The following VAV3 variants were observed in gnomAD, a reference collection of about 807,000 sequenced individuals.
VAV3 encodes the protein guanine nucleotide exchange factor VAV3.
Under a neutral mutation model 131.2 loss-of-function variants are expected in VAV3, and 94 were observed. That is an observed-to-expected ratio of 0.72 (90% CI 0.61 to 0.85). The LOEUF is 0.85. VAV3 is among the 40% of genes least tolerant of loss of function. The pLI is 0.00. For missense variants in VAV3, 939 were observed against 1,002.7 expected (o/e 0.94, Z 0.86); for synonymous variants, 349 against 342.0 (o/e 1.02, Z -0.22).
chr1:107,899,770 C>A (rs1323606204), intron 1 of VAV3, among the ~76,000 whole-genome samples: 1 of 152,062 alleles, frequency 6.6e-6, no homozygotes, highest in Non-Finnish European at 1.5e-5. Flanking sequence ...AAGTAACATG[C>A]CTAAAGCCAA....
chr1:107,761,717 G>A (rs1013503335), intron 9 of VAV3, among the ~76,000 whole-genome samples: 52 of 152,122 alleles, frequency 3.4e-4, no homozygotes, highest in Non-Finnish European at 1.0e-4. Flanking sequence ...CTCTCTCTCT[G>A]TCTTGTGGGT....
At chr1:107,673,130 T>C (rs563573584) in intron 19 of VAV3, among the ~76,000 whole-genome samples, 1 of 152,320 alleles carries the variant, frequency 6.6e-6, no homozygotes, top group Non-Finnish European at 1.5e-5. Flanking sequence ...GAAAGACTAA[T>C]GTTCAACAAT....
At chr1:107,856,764 T>C (rs1669488678) in intron 2 of VAV3, among the ~76,000 whole-genome samples, 1 of 152,138 alleles carries the variant, frequency 6.6e-6, no homozygotes. Context: ...AGGCCAGGCA[T>C]GGTGGCTCAC....
intron 1 of VAV3, among the ~76,000 whole-genome samples, chr1:107,937,861 A>G (rs1673799002): frequency 6.6e-6 from 1 of 152,244 alleles, no homozygotes; most frequent in South Asian, 2.1e-4. Flanking sequence ...AGAATGTAGT[A>G]CACTAACATG....
chr1:107,745,139 T>C (rs1413846678), intron 15 of VAV3, among the ~76,000 whole-genome samples: 1 of 152,152 alleles, frequency 6.6e-6, no homozygotes, highest in African/African-American at 2.4e-5. Flanking sequence ...ATAAAACCAT[T>C]TGCCGTCCTG....
intron 2 of VAV3, among the ~76,000 whole-genome samples, chr1:107,870,923 A>G (rs546955849): frequency 6.6e-6 from 1 of 152,312 alleles, no homozygotes; most frequent in South Asian, 2.1e-4. Context: ...TTAGTCACTC[A>G]TCTGGACAGT....
chr1:107,749,480 G>A lies in VAV3; in HGVS notation c.1374C>T (p.Thr458=), dbSNP rs143070546. The A allele has an allele frequency of 1.1e-5, 18 of 1,591,988 alleles. No homozygotes were observed. In the Admixed American group the frequency reaches 1.7e-4, roughly 15 times the overall value. Residue 458 remains threonine (T), a synonymous_variant, in exon 14 of 27, where the codon ACC becomes ACT. Coordinates refer to ENST00000370056, the MANE Select transcript of VAV3 (RefSeq NM_006113.5). ...QQYKIANNPT[T]DKENKKWSYG... The stretch of plus-strand genomic sequence containing the variant: ...AAGTCACCTTTTTGTTTTCTTTATC[G>A]GTTGTAGGATTATTGGCTATCTTGT...
intron 12 of VAV3, among the ~76,000 whole-genome samples, chr1:107,752,412 T>C (rs1663793869): frequency 6.6e-6 from 1 of 152,200 alleles, no homozygotes; most frequent in East Asian, 1.9e-4. Context: ...GGGAAAAACT[T>C]TATGACAATA....
At chr1:107,917,984 T>C (rs1034571379) in intron 1 of VAV3, among the ~76,000 whole-genome samples, 2 of 152,154 alleles carry the variant, frequency 1.3e-5, no homozygotes, top group African/African-American at 2.4e-5. Flanking sequence ...AGGGTAGTAA[T>C]AGAATAGAAT....
chr1:107,758,566 C>A (rs1416473953), intron 10 of VAV3, among the ~76,000 whole-genome samples: 1 of 152,012 alleles, frequency 6.6e-6, no homozygotes, highest in Non-Finnish European at 1.5e-5. Context: ...TCTCTTAAAA[C>A]AAAAAACAAC....
chr1:107,625,902 A>G (rs1392566812), intron 20 of VAV3, among the ~76,000 whole-genome samples: 2 of 152,204 alleles, frequency 1.3e-5, no homozygotes, highest in African/African-American at 2.4e-5. Context: ...GATTGACACA[A>G]ACTTTTAGTC....
intron 2 of VAV3, among the ~76,000 whole-genome samples, chr1:107,802,940 G>A (rs1187018032): frequency 6.6e-6 from 1 of 151,222 alleles, no homozygotes; most frequent in Non-Finnish European, 1.5e-5. Context: ...TAAATGTTTG[G>A]TAGAATTTAG....
chr1:107,777,971 T>C (rs558174940), intron 3 of VAV3, among the ~76,000 whole-genome samples: 1 of 152,208 alleles, frequency 6.6e-6, no homozygotes. Context: ...CTATTCCCAC[T>C]GTGTGGCTTC....
At chr1:107,579,085 C>T (rs575805691) in intron 25 of VAV3, among the ~76,000 whole-genome samples, 2 of 152,326 alleles carry the variant, frequency 1.3e-5, no homozygotes, top group African/African-American at 4.8e-5. Flanking sequence ...TGCTAGCCCT[C>T]TCTCTTATCT....
intron 15 of VAV3, among the ~76,000 whole-genome samples, chr1:107,734,696 C>A (rs905865428): frequency 2.6e-5 from 4 of 152,072 alleles, no homozygotes; most frequent in African/African-American, 9.7e-5. Context: ...ACAGGAGCAC[C>A]CAGATTCATA....
intron 22 of VAV3, among the ~76,000 whole-genome samples, chr1:107,605,425 A>G (rs1243018647): frequency 3.3e-5 from 5 of 152,140 alleles, no homozygotes; most frequent in Non-Finnish European, 5.9e-5. Context: ...TCGCTTTGTG[A>G]TATCTCCTGC....
chr1:107,880,246 A>G (rs1001002878), intron 1 of VAV3, among the ~76,000 whole-genome samples: 5 of 152,208 alleles, frequency 3.3e-5, no homozygotes, highest in Admixed American at 2.0e-4. Flanking sequence ...AGTCACCTAC[A>G]TAAAGAGAAG....
At position 107,790,740 on chromosome 1, in the gene VAV3, T is replaced by C. The variant is rs564856022; in HGVS notation, c.322-11248A>G. The stretch of plus-strand genomic sequence containing the variant: ...TCTTGCTTTGTCACCAAGGCTGGAG[T>C]ACAGTTGCATGATCTTGGCTCACTG... On this transcript the variant is annotated intron_variant, in intron 2 of 26. Transcript: ENST00000370056. Among the ~76,000 whole-genome samples, 12 of 131,210 alleles carry C rather than the reference T, an allele frequency of 9.1e-5. No individual in the cohort carries two copies. In the South Asian group the frequency reaches 2.2e-3, roughly 24 times the overall value. 86.1% of individuals were successfully genotyped at this position (131,210 alleles called of 152,430 possible).
intron 21 of VAV3, among the ~76,000 whole-genome samples, chr1:107,612,155 C>T (rs1213521148): frequency 1.4e-5 from 2 of 147,068 alleles, no homozygotes; most frequent in South Asian, 2.2e-4. Context: ...CACACACACA[C>T]ATACATACAG....
Sources: gnomAD v4.1 joint callset for allele counts (sites outside exome capture counted in the v4.1 genomes callset) on GRCh38, gnomAD v4.1.1 for gene constraint, MANE v1.5 for transcripts, NCBI Gene and HGNC (gene_info 2026-07-23, HGNC 2026-07-21) for gene names.